PIK3C3: variants seen among roughly 807,000 people sequenced by gnomAD.
PIK3C3 encodes the protein PI3-kinase type 3.
In PIK3C3, 95 loss-of-function variants were observed where a neutral mutation model predicts 126.1. The observed-to-expected ratio is 0.75, with a 90% CI of 0.64 to 0.89. The LOEUF is 0.89. PIK3C3 is among the 40% of genes least tolerant of loss of function. The pLI is 0.00. For missense variants in PIK3C3, 829 were observed against 1,063.2 expected (o/e 0.78, Z 3.06); for synonymous variants, 374 against 360.0 (o/e 1.04, Z -0.44).
intron 10 of PIK3C3, among the ~76,000 whole-genome samples, chr18:42,010,433 T>G (rs1031441266): frequency 6.6e-6 from 1 of 152,172 alleles, no homozygotes; most frequent in African/African-American, 2.4e-5. Flanking sequence ...TGGCATGATC[T>G]TGGCTTACTG....
chr18:41,961,882 A>G (rs1046431636), intron 2 of PIK3C3, among the ~76,000 whole-genome samples: 11 of 152,324 alleles, frequency 7.2e-5, no homozygotes, highest in South Asian at 4.1e-4. Flanking sequence ...GAAAGAATAT[A>G]TACAGATGTG....
At chr18:42,042,492 T>C (rs185151761) in intron 19 of PIK3C3, among the ~76,000 whole-genome samples, 2 of 152,358 alleles carry the variant, frequency 1.3e-5, no homozygotes, top group South Asian at 2.1e-4. Context: ...AGTTTTTGCA[T>C]CTGTAAAATT....
chr18:42,037,607 A>G, intron 16 of PIK3C3, 85 bp from the exon 17 acceptor site: 2 of 1,215,864 alleles, frequency 1.6e-6, no homozygotes, highest in Non-Finnish European at 2.3e-6. Context: ...TATTTATCTT[A>G]TATATCAACA....
intron 13 of PIK3C3, among the ~76,000 whole-genome samples, chr18:42,025,024 G>A (rs1310337101): frequency 1.3e-5 from 2 of 151,702 alleles, no homozygotes; most frequent in African/African-American, 4.8e-5. Flanking sequence ...GTGTTAGCCA[G>A]GATGGTCTCG....
intron 3 of PIK3C3, among the ~76,000 whole-genome samples, chr18:41,968,950 A>G (rs1980511940): frequency 1.3e-5 from 2 of 151,752 alleles, no homozygotes; most frequent in African/African-American, 4.8e-5. Context: ...CCTAAAAACT[A>G]CAGGCATATG....
chr18:42,007,344 TC>T (rs1271928973), intron 10 of PIK3C3, among the ~76,000 whole-genome samples: 5 of 152,140 alleles, frequency 3.3e-5, no homozygotes, highest in African/African-American at 1.2e-4. Context: ...TTTTCTTCTT[TC>T]CTTTTTTTTA....
chr18:41,980,859 C>A (rs1199429876), intron 4 of PIK3C3, among the ~76,000 whole-genome samples: 1 of 152,072 alleles, frequency 6.6e-6, no homozygotes, highest in Non-Finnish European at 1.5e-5. Context: ...GCATTTGTTA[C>A]TTTACAAATC....
chr18:42,080,618 A>T (rs989639311), intron 24 of PIK3C3, among the ~76,000 whole-genome samples: 5 of 152,124 alleles, frequency 3.3e-5, no homozygotes, highest in Non-Finnish European at 2.9e-5. Context: ...GAACACCATT[A>T]ATAGTGTTGG....
chr18:42,029,476 C>A (rs1238526005), intron 15 of PIK3C3, 35 bp downstream of exon 15: 2 of 1,107,720 alleles, frequency 1.8e-6, no homozygotes, highest in Non-Finnish European at 1.4e-6. Context: ...TTCCTAATAG[C>A]ATCTTGGCAT....
At chr18:42,008,663 G>C (rs1368496550) in intron 10 of PIK3C3, among the ~76,000 whole-genome samples, 1 of 151,980 alleles carries the variant, frequency 6.6e-6, no homozygotes, top group Non-Finnish European at 1.5e-5. Flanking sequence ...AGAATTGCCT[G>C]AGATGGAAGC....
chr18:41,977,894 G>A (rs1357556312), intron 4 of PIK3C3, among the ~76,000 whole-genome samples: 1 of 152,258 alleles, frequency 6.6e-6, no homozygotes, highest in Admixed American at 6.5e-5. Context: ...CTTGATCACA[G>A]GATTATTTTT....
intron 13 of PIK3C3, chr18:42,026,979 A>AT (rs1490249679): frequency 6.6e-6 from 1 of 152,250 alleles, no homozygotes; most frequent in African/African-American, 2.4e-5. Flanking sequence ...ATTACTTAAA[A>AT]TTTTATTCAT....
At chr18:42,006,430 G>A (rs1397227502) in intron 10 of PIK3C3, among the ~76,000 whole-genome samples, 1 of 151,356 alleles carries the variant, frequency 6.6e-6, no homozygotes, top group Non-Finnish European at 1.5e-5. Flanking sequence ...GCTGCTGGCC[G>A]ATTAAGTCAA....
intron 15 of PIK3C3, 47 bp downstream of exon 15, chr18:42,029,488 A>T (rs370365936): frequency 9.8e-7 from 1 of 1,016,246 alleles, no homozygotes; most frequent in East Asian, 2.4e-5. Flanking sequence ...TCTTGGCATC[A>T]GAAAATACTG....
At chr18:42,001,738 T>G (rs1982301082) in intron 9 of PIK3C3, among the ~76,000 whole-genome samples, 1 of 152,160 alleles carries the variant, frequency 6.6e-6, no homozygotes, top group Non-Finnish European at 1.5e-5. Flanking sequence ...AGTTTTAGAT[T>G]GTTTCAGTTA....
At chr18:42,064,598 T>C (rs1224759709) in intron 22 of PIK3C3, 142 bp from the exon 23 acceptor site, 9 of 579,848 alleles carry the variant, frequency 1.6e-5, no homozygotes, top group Non-Finnish European at 1.2e-5. Context: ...ATTTCATTGA[T>C]ACCAACTGAT....
At position 42,055,360 on chromosome 18, in the gene PIK3C3, C is replaced by T. The variant is rs373120343; in HGVS notation, c.2264-2523C>T. ...TTTAACTGAGTGAAAATACTGCTAA[C>T]CAAGTATATTGTAAGGGTTTAAGTA... On this transcript the variant is annotated intron_variant, in intron 21 of 24. Transcript: ENST00000262039. 2.2e-3 allele frequency among the ~76,000 whole-genome samples: 337 copies of T among 152,042 alleles called. 1 individual carries two copies. Among genetic ancestry groups the T allele is most frequent in the African/African-American group, 7.5e-3 (311 of 41,440 alleles).
chr18:41,962,662 A>G (rs765910471), intron 3 of PIK3C3, 30 bp downstream of exon 3: 3 of 1,591,496 alleles, frequency 1.9e-6, no homozygotes, highest in Admixed American at 1.8e-5. Flanking sequence ...CATCTGTAGG[A>G]GTGTAGCAGC....
intron 10 of PIK3C3, 68 bp downstream of exon 10, chr18:42,004,609 G>T: frequency 8.3e-7 from 1 of 1,205,628 alleles, no homozygotes; most frequent in Admixed American, 2.7e-5. Flanking sequence ...TAAACTATGT[G>T]TGTATGTGTG....
Sources: allele counts gnomAD v4.1 joint callset (sites outside exome capture counted in the v4.1 genomes callset), GRCh38; gene constraint gnomAD v4.1.1; transcripts MANE v1.5; gene names NCBI Gene and HGNC (gene_info 2026-07-23, HGNC 2026-07-21).